LYAR: variants seen among roughly 807,000 people sequenced by gnomAD.
LYAR encodes Ly1 antibody reactive, also known as cell growth-regulating nucleolar protein.
LYAR carries 37 observed loss-of-function variants against 45.2 expected under a neutral mutation model. That is an observed-to-expected ratio of 0.82 (90% CI 0.63 to 1.08). LYAR has a LOEUF of 1.08. LYAR is among the 50% of genes least tolerant of loss of function. The pLI is 0.00. For missense variants in LYAR, 493 were observed against 451.0 expected, an observed-to-expected ratio of 1.09 and a Z score of -0.84; for synonymous variants, 176 against 155.1, an observed-to-expected ratio of 1.14 and a Z score of -1.00.
At chr4:4,288,956 A>G (rs931979217) in intron 1 of LYAR, among the ~76,000 whole-genome samples, 2 of 152,220 alleles carry the variant, frequency 1.3e-5, no homozygotes, top group Admixed American at 1.3e-4. Context: ...ACTTCAAGTT[A>G]TCTCATCTGT....
At chr4:4,284,835 T>C (rs1241181271) in intron 2 of LYAR, among the ~76,000 whole-genome samples, 1 of 152,078 alleles carries the variant, frequency 6.6e-6, no homozygotes, top group Admixed American at 6.6e-5. Flanking sequence ...ATTAGGAAAA[T>C]AAAGGTGAGG....
intron 6 of LYAR, 50 bp from the exon 7 acceptor site, chr4:4,274,819 A>C (rs1719115899): frequency 6.6e-7 from 1 of 1,516,208 alleles, no homozygotes; most frequent in Non-Finnish European, 8.9e-7. Context: ...AAATGTGTAA[A>C]TAGAGTTGTC....
At chr4:4,272,787 C>A (rs75250358) in intron 8 of LYAR, among the ~76,000 whole-genome samples, 1 of 152,074 alleles carries the variant, frequency 6.6e-6, no homozygotes, top group Non-Finnish European at 1.5e-5. Flanking sequence ...GAGATCTAAC[C>A]CAATGCTGGC....
chr4:4,269,802 G>A (rs573850505), intron 8 of LYAR, among the ~76,000 whole-genome samples: 4 of 152,324 alleles, frequency 2.6e-5, no homozygotes, highest in African/African-American at 9.6e-5. Context: ...ACATAGACCT[G>A]AAATTTGCTG....
chr4:4,285,699 ATACG>A (rs2108852235), intron 2 of LYAR, among the ~76,000 whole-genome samples: 1 of 152,368 alleles, frequency 6.6e-6, no homozygotes, highest in East Asian at 1.9e-4. Context: ...TGAAACTTAG[ATACG>A]GCTTAGAGCT....
chr4:4,274,283 G>T, intron 7 of LYAR, 84 bp downstream of exon 7: 1 of 1,416,568 alleles, frequency 7.1e-7, no homozygotes, highest in Non-Finnish European at 9.6e-7. Context: ...CACACAAAAC[G>T]CTAGGTCTAA....
Position 4,279,752 on chromosome 4 carries a change from A to T in LYAR, c.238-3T>A, listed in dbSNP as rs1441167277. The T allele has an allele frequency of 1.3e-6, 2 of 1,562,018 alleles. No homozygotes were observed. The highest frequency in any genetic ancestry group is 2.7e-5 in the African/African-American group (2 of 72,930). On this transcript the variant is annotated splice_region_variant and splice_polypyrimidine_tract_variant and intron_variant, in intron 4 of 9. Coordinates refer to ENST00000343470, the MANE Select transcript of LYAR (RefSeq NM_017816.3). ...CTCTTTATTAATTCACTAATTTTCT[A>T]CAAAAAGGGAAGAAAAAAGAAAAAC... is the stretch of plus-strand genomic sequence containing the variant.
chr4:4,270,534 TAAAAA>T (rs201602225), intron 8 of LYAR, among the ~76,000 whole-genome samples: 2 of 109,678 alleles, frequency 1.8e-5, no homozygotes, highest in East Asian at 2.5e-4. Flanking sequence ...TCTCAACAGT[TAAAAA>T]AAAAAAAAAC....
In LYAR at chr4:4,283,712, C is replaced by A; in HGVS notation, c.31G>T (p.Glu11Ter). The A allele has an allele frequency of 6.2e-7, 1 of 1,611,924 alleles. No individual in the cohort carries two copies. Among genetic ancestry groups the A allele is most frequent in the Non-Finnish European group, 8.5e-7 (1 of 1,179,108 alleles). Residue 11 changes from glutamate (E) to a stop codon, truncating the protein, a stop_gained, in exon 3 of 10, where the codon GAA (glutamate) becomes TAA (stop). Coordinates refer to ENST00000343470, the MANE Select transcript of LYAR (RefSeq NM_017816.3). LOFTEE classifies it high-confidence loss of function. ...TCCACTTGTATTTTCTTCACTGATT[C>A]ACCACATGCATTGCATGTAAAAAAT... MVFFTCNACG[E>*]SVKKIQVEKH...
intron 2 of LYAR, among the ~76,000 whole-genome samples, chr4:4,286,017 C>T (rs1441675811): frequency 6.6e-6 from 1 of 152,188 alleles, no homozygotes; most frequent in Non-Finnish European, 1.5e-5. Flanking sequence ...ACATGTCCAG[C>T]TAAAAAATAA....
intron 3 of LYAR, among the ~76,000 whole-genome samples, chr4:4,282,948 G>C (rs1014033852): frequency 1.3e-5 from 2 of 152,078 alleles, no homozygotes; most frequent in Admixed American, 6.6e-5. Context: ...CACTGTGATG[G>C]GCATGTGATA....
intron 6 of LYAR, among the ~76,000 whole-genome samples, chr4:4,276,986 G>A (rs1417573598): frequency 6.6e-6 from 1 of 152,306 alleles, no homozygotes; most frequent in East Asian, 1.9e-4. Context: ...TTAGGAAGAA[G>A]GGGACAAAGA....
chr4:4,268,439 T>C (rs774928461), intron 9 of LYAR, 91 bp downstream of exon 9: 36 of 875,946 alleles, frequency 4.1e-5, no homozygotes, highest in Non-Finnish European at 6.6e-5. Context: ...TTTCAGTGTT[T>C]TAGGTGAAAA....
intron 1 of LYAR, among the ~76,000 whole-genome samples, chr4:4,289,285 C>T (rs938402909): frequency 1.3e-5 from 2 of 152,176 alleles, no homozygotes; most frequent in Admixed American, 1.3e-4. Context: ...TTTTAAACAC[C>T]ATCCCTTCAC....
chr4:4,274,321 T>C (rs761392136), intron 7 of LYAR, 46 bp downstream of exon 7: 4 of 1,572,504 alleles, frequency 2.5e-6, no homozygotes, highest in African/African-American at 2.7e-5. Flanking sequence ...AATTCACAGC[T>C]TTCCCGGTTT....
At chr4:4,286,835 G>C (rs770053878) in intron 1 of LYAR, among the ~76,000 whole-genome samples, 2 of 151,974 alleles carry the variant, frequency 1.3e-5, no homozygotes, top group Non-Finnish European at 2.9e-5. Flanking sequence ...TTTTAGTAGA[G>C]ATAGATGGGG....
chr4:4,286,866 T>C (rs190314865), intron 1 of LYAR, among the ~76,000 whole-genome samples: 85 of 151,986 alleles, frequency 5.6e-4, no homozygotes, highest in African/African-American at 1.9e-3. Context: ...TTAGCCAGGA[T>C]GGTCTCAATC....
At chr4:4,270,822 G>C (rs1335835859) in intron 8 of LYAR, among the ~76,000 whole-genome samples, 1 of 152,150 alleles carries the variant, frequency 6.6e-6, no homozygotes, top group Non-Finnish European at 1.5e-5. Context: ...TTTACACACT[G>C]CTACTGGGAA....
intron 6 of LYAR, among the ~76,000 whole-genome samples, chr4:4,275,285 C>T (rs531970858): frequency 6.6e-6 from 1 of 152,296 alleles, no homozygotes; most frequent in East Asian, 1.9e-4. Context: ...AAAGATCCGT[C>T]ATGTGCTTAT....
Sources: gnomAD v4.1 joint callset for allele counts (sites outside exome capture counted in the v4.1 genomes callset) on GRCh38, gnomAD v4.1.1 for gene constraint, MANE v1.5 for transcripts, NCBI Gene and HGNC (gene_info 2026-07-23, HGNC 2026-07-21) for gene names.